COL6A5: variants seen among roughly 807,000 people sequenced by gnomAD.
COL6A5 encodes the protein collagen alpha-5(VI) chain.
Under a neutral mutation model 65.6 loss-of-function variants are expected in COL6A5, and 48 were observed. The ratio of observed to expected loss-of-function variants is 0.73; its 90% CI spans 0.58 to 0.93. The LOEUF is 0.93. COL6A5 is among the 40% of genes least tolerant of loss of function. The pLI, the probability that COL6A5 is intolerant of heterozygous loss-of-function variation, is 0.00. For synonymous variants in COL6A5, 291 were observed against 322.8 expected (o/e 0.90, Z 1.05); for missense variants, 914 against 928.3 (o/e 0.98, Z 0.20).
chr3:130,460,539 T>C (rs1449747131), intron 5 of COL6A5, among the ~76,000 whole-genome samples: 1 of 152,136 alleles, frequency 6.6e-6, no homozygotes, highest in African/African-American at 2.4e-5. Context: ...TCTAGAGTGT[T>C]GGTGACATTT....
At chr3:130,398,366 G>A (rs1003561915) in intron 10 of COL6A5, among the ~76,000 whole-genome samples, 24 of 152,042 alleles carry the variant, frequency 1.6e-4, no homozygotes, top group African/African-American at 5.1e-4. Context: ...TCCTGACCTC[G>A]TGATTCACCC....
intron 4 of COL6A5, among the ~76,000 whole-genome samples, chr3:130,451,560 C>A (rs1241663247): frequency 6.6e-6 from 1 of 151,922 alleles, no homozygotes; most frequent in Non-Finnish European, 1.5e-5. Flanking sequence ...GTACTTTGGT[C>A]CCAGAGCCAC....
rs111871748 is a variant in COL6A5 at position 130,355,589 on chromosome 3, T to TACAC, written c.-29+9621_-29+9624dup. Among the ~76,000 whole-genome samples the TACAC allele has an allele frequency of 2.5e-3, 385 of 151,430 alleles. 2 individuals carry two copies. Among genetic ancestry groups the TACAC allele is most frequent in the African/African-American group, 8.8e-3 (366 of 41,372 alleles). On this transcript the variant is annotated intron_variant and NMD_transcript_variant, in intron 1 of 41. Coordinates refer to the COL6A5 transcript ENST00000312481. ...TACTTAGGGTAAACTAGTAAAATTTTACACACACACACACACTTAGGGTAA... is the reference window on the plus strand; with the variant it reads ...TACTTAGGGTAAACTAGTAAAATTTTACACACACACACACACACACTTAGGGTAA...
rs1322911882 is a variant in COL6A5 at position 130,373,554 on chromosome 3, A to T, written c.-28-57A>T. 4 of 779,474 alleles carry T rather than the reference A, an allele frequency of 5.1e-6. No individual in the cohort carries two copies. The East Asian group carries it at 1.1e-4, about 21-fold the overall frequency. The allele number at this position is 779,474 out of a possible 1,614,324, so 48.3% of individuals were successfully genotyped here. A position where few individuals can be genotyped will look rare whatever the true frequency, so the allele number is the denominator to read the frequency against. On this transcript the variant is annotated intron_variant and NMD_transcript_variant, in intron 1 of 41. Transcript: ENST00000312481. ...CATGCCCTAATACAACTATCCTGAC[A>T]GTTACTTAATGGTATAAAATAAAAT...
At chr3:130,456,828 T>A (rs935203517) in intron 5 of COL6A5, among the ~76,000 whole-genome samples, 1 of 151,932 alleles carries the variant, frequency 6.6e-6, no homozygotes, top group Admixed American at 6.6e-5. Context: ...TGGGATAAAA[T>A]TTTTTTTCTT....
chr3:130,429,002 C>T (rs570552606), upstream of COL6A5, among the ~76,000 whole-genome samples: 1 of 152,166 alleles, frequency 6.6e-6, no homozygotes, highest in Non-Finnish European at 1.5e-5. Flanking sequence ...TTGAGGGAAC[C>T]AGATGCTGTT....
At chr3:130,406,391 G>T in intron 17 of COL6A5, 70 bp downstream of exon 17, 1 of 1,226,356 alleles carries the variant, frequency 8.2e-7, no homozygotes, top group Non-Finnish European at 1.2e-6. Flanking sequence ...ACTGCTGTGT[G>T]TCAGTGGTTA....
chr3:130,441,514 G>T (rs529780018), intron 3 of COL6A5, among the ~76,000 whole-genome samples: 1 of 152,162 alleles, frequency 6.6e-6, no homozygotes, highest in Admixed American at 6.5e-5. Flanking sequence ...TTGCTGCAGC[G>T]TACAGTTGCA....
chr3:130,481,511 T>A (rs1359275922), intron 7 of COL6A5, among the ~76,000 whole-genome samples: 1 of 152,174 alleles, frequency 6.6e-6, no homozygotes, highest in East Asian at 1.9e-4. Context: ...AATATACGTG[T>A]GCATGTGTCT....
chr3:130,473,573 A>C (rs1362369649), intron 7 of COL6A5, among the ~76,000 whole-genome samples: 1 of 152,042 alleles, frequency 6.6e-6, no homozygotes, highest in Non-Finnish European at 1.5e-5. Context: ...GTCATGATTA[A>C]CTCAGTATAC....
At chr3:130,401,047 G>T (rs1395295134) in exon 11 of COL6A5, 1 of 1,548,192 alleles carries the variant, frequency 6.5e-7, no homozygotes, top group Non-Finnish European at 8.7e-7. Context: ...ATGCTCTGCT[G>T]GTAGTGTCCC....
chr3:130,349,637 T>G (rs1251074731), intron 1 of COL6A5, among the ~76,000 whole-genome samples: 5 of 152,194 alleles, frequency 3.3e-5, no homozygotes, highest in Non-Finnish European at 7.4e-5. Context: ...AATTCATAGA[T>G]AACTAATTTA....
rs371690308 is a variant in COL6A5, at chr3:130,377,400, C to G, written c.667+564C>G. On this transcript the variant is annotated intron_variant and NMD_transcript_variant, in intron 3 of 41. Transcript: ENST00000312481. ...TTCTCTTTCCTTCACCATCTTGTTA[C>G]AGTATGAGACTCACAATAAATATTC... Among the ~76,000 whole-genome samples the G allele has an allele frequency of 3.3e-5, 5 of 152,184 alleles. No individual in the cohort carries two copies. In the South Asian group the frequency reaches 1.0e-3, roughly 31 times the overall value.
intron 1 of COL6A5, among the ~76,000 whole-genome samples, chr3:130,363,141 C>G (rs1262359389): frequency 6.6e-6 from 1 of 152,068 alleles, no homozygotes; most frequent in East Asian, 1.9e-4. Context: ...TTTTAGGATT[C>G]AATTCTCTCT....
chr3:130,436,406 C>T (rs1577507716), intron 1 of COL6A5, among the ~76,000 whole-genome samples: 1 of 151,986 alleles, frequency 6.6e-6, no homozygotes, highest in Non-Finnish European at 1.5e-5. Context: ...CCTAGATTTT[C>T]AGCTACTCCT....
At chr3:130,368,411 T>C (rs2219025) in intron 1 of COL6A5, among the ~76,000 whole-genome samples, 146,534 of 152,278 alleles carry the variant, frequency 0.96, 70,790 homozygotes, top group Non-Finnish European at 1. Context: ...AAATACTTCT[T>C]GAGAACCTGT....
intron 5 of COL6A5, among the ~76,000 whole-genome samples, chr3:130,463,449 C>G (rs995918553): frequency 6.6e-6 from 1 of 152,082 alleles, no homozygotes; most frequent in African/African-American, 2.4e-5. Context: ...CCTTCAGAGT[C>G]TCCCTTCTCT....
At chr3:130,394,123 C>G (rs1936505018) in intron 7 of COL6A5, among the ~76,000 whole-genome samples, 1 of 152,146 alleles carries the variant, frequency 6.6e-6, no homozygotes, top group African/African-American at 2.4e-5. Context: ...GAAAGTCACC[C>G]TTTGATTTTG....
At chr3:130,477,992 A>G (rs1710140236) in intron 7 of COL6A5, among the ~76,000 whole-genome samples, 1 of 152,100 alleles carries the variant, frequency 6.6e-6, no homozygotes, top group African/African-American at 2.4e-5. Context: ...CACTTCAGGA[A>G]ACAGGAGTTG....
Sources: gnomAD v4.1 joint callset for allele counts (sites outside exome capture counted in the v4.1 genomes callset) on GRCh38, gnomAD v4.1.1 for gene constraint, MANE v1.5 for transcripts, NCBI Gene and HGNC (gene_info 2026-07-23, HGNC 2026-07-21) for gene names.